Variants in PIEZO2 observed in about 807,000 individuals in gnomAD.
PIEZO2 encodes the protein piezo-type mechanosensitive ion channel component 2.
In PIEZO2, 172 loss-of-function variants were observed where a neutral mutation model predicts 337.3. The ratio of observed to expected loss-of-function variants is 0.51; its 90% CI spans 0.45 to 0.58. The LOEUF is 0.58. PIEZO2 is among the 20% of genes least tolerant of loss of function. The probability of loss-of-function intolerance (pLI) is 0.00; values close to 1 mark genes in which losing one functional copy is unlikely to be tolerated. For synonymous variants in PIEZO2, 1,251 were observed against 1,228.5 expected (o/e 1.02, Z -0.38); for missense variants, 3,028 against 3,391.3 (o/e 0.89, Z 2.66).
chr18:11,120,988 C>T (rs1385399245), intron 1 of PIEZO2, among the ~76,000 whole-genome samples: 2 of 152,208 alleles, frequency 1.3e-5, no homozygotes, highest in African/African-American at 2.4e-5. Context: ...TGTGGTGGCT[C>T]ACGCCTAAAA....
intron 1 of PIEZO2, among the ~76,000 whole-genome samples, chr18:11,137,887 T>C (rs1019153470): frequency 9.2e-5 from 14 of 152,188 alleles, no homozygotes; most frequent in African/African-American, 2.9e-4. Context: ...AAAACATTTT[T>C]AAAAATAATA....
intron 1 of PIEZO2, among the ~76,000 whole-genome samples, chr18:11,093,869 A>G (rs1795321434): frequency 1.3e-5 from 2 of 152,332 alleles, no homozygotes; most frequent in African/African-American, 4.8e-5. Context: ...GGCAGAGCCT[A>G]CCACACAATA....
rs2143368867 is a variant in PIEZO2, at chr18:10,671,409, T to C, written c.*118A>G. ...AGGATATCAGCTCCTTTTGTCTACC[T>C]ATCAGAAGAGAAACAAACCATTTCC... On this transcript the variant is annotated 3_prime_UTR_variant, in exon 56 of 56. Coordinates refer to ENST00000674853, the MANE Select transcript of PIEZO2 (RefSeq NM_001378183.1). 1 of 1,122,472 alleles carries C rather than the reference T, an allele frequency of 8.9e-7. No homozygotes were observed. The highest frequency in any genetic ancestry group is 2.6e-5 in the East Asian group (1 of 38,938). The allele number at this position is 1,122,472 out of a possible 1,614,324, so 69.5% of individuals were successfully genotyped here. A position where few individuals can be genotyped will look rare whatever the true frequency, so the allele number is the denominator to read the frequency against.
At chr18:10,725,915 G>GGCACTAACC (rs1391444262) in intron 36 of PIEZO2, among the ~76,000 whole-genome samples, 1 of 152,178 alleles carries the variant, frequency 6.6e-6, no homozygotes, top group Admixed American at 6.5e-5. Context: ...GAGGGTGCAG[G>GGCACTAACC]GCACTAACCA....
At chr18:10,738,633 G>A (rs1335601720) in intron 33 of PIEZO2, 1 of 152,192 alleles carries the variant, frequency 6.6e-6, no homozygotes, top group Non-Finnish European at 1.5e-5. Context: ...TGGCGAACCT[G>A]ACTCCAGCCT....
Position 10,856,218 on chromosome 18 carries a change from T to C in PIEZO2, c.704-652A>G, listed in dbSNP as rs971029935. ...CTGGCCAATAACTCCTTTAAAAGTG[T>C]TTTTAAGGAATCATAAATAAAGCCA... On this transcript the variant is annotated intron_variant, in intron 6 of 55. Transcript: ENST00000674853. The surrounding 1 kb of genome is among the most constrained non-coding windows in gnomAD (Gnocchi z 4.7). Among the ~76,000 whole-genome samples, 3 of 152,112 alleles carry C rather than the reference T, an allele frequency of 2.0e-5. No homozygotes were observed. Among genetic ancestry groups the C allele is most frequent in the African/African-American group, 7.2e-5 (3 of 41,424 alleles).
Position 10,977,201 on chromosome 18 carries a change from T to C in PIEZO2, c.286+2334A>G, listed in dbSNP as rs149713670. On this transcript the variant is annotated intron_variant, in intron 3 of 55. Coordinates refer to ENST00000674853, the MANE Select transcript of PIEZO2 (RefSeq NM_001378183.1). ...CAATTTGAACTAGAAACACTTAGAC[T>C]CTTGTGAGTCAGAAGAGATCATAAA... Among the ~76,000 whole-genome samples, 512 of 152,146 alleles carry C rather than the reference T, an allele frequency of 3.4e-3. 3 individuals are homozygous for C. Among genetic ancestry groups the C allele is most frequent in the African/African-American group, 0.01 (420 of 41,520 alleles).
Position 11,148,689 on chromosome 18 carries a change from C to A in PIEZO2, c.-101G>T. 2.4e-6 allele frequency: 3 copies of A among 1,268,806 alleles called. No individual in the cohort carries two copies. Among genetic ancestry groups the A allele is most frequent in the Non-Finnish European group, 3.3e-6 (3 of 913,530 alleles). 78.6% of individuals were successfully genotyped at this position (1,268,806 alleles called of 1,614,324 possible). A position where few individuals can be genotyped will look rare whatever the true frequency, so the allele number is the denominator to read the frequency against. On this transcript the variant is annotated 5_prime_UTR_variant, in exon 1 of 56. Coordinates refer to ENST00000674853, the MANE Select transcript of PIEZO2 (RefSeq NM_001378183.1). This position sits in a 1 kb window ranked among gnomAD's most constrained non-coding sequence, Gnocchi z 5.2. ...CCCGTCTATGGCCTCTCGCCGCCGG[C>A]AGCTCGCAGCCACCCGAGCATCGCC...
intron 3 of PIEZO2, among the ~76,000 whole-genome samples, chr18:10,936,016 G>T (rs1407104053): frequency 6.6e-6 from 1 of 152,186 alleles, no homozygotes. Flanking sequence ...TTTCTACACA[G>T]GGTCACAGGT....
chr18:11,112,684 T>C lies in PIEZO2; in HGVS notation c.64+35841A>G, dbSNP rs183849425. On this transcript the variant is annotated intron_variant, in intron 1 of 55. Coordinates refer to ENST00000674853, the MANE Select transcript of PIEZO2 (RefSeq NM_001378183.1). This position sits in a 1 kb window ranked among gnomAD's most constrained non-coding sequence, Gnocchi z 4.3. ...GATTAGGCACAGAAACAAACCTATATAACTTTCTGAAAATAATGCAAGTGA... is the reference window on the plus strand; with the variant it reads ...GATTAGGCACAGAAACAAACCTATACAACTTTCTGAAAATAATGCAAGTGA... 6.6e-5 allele frequency among the ~76,000 whole-genome samples: 10 copies of C among 152,322 alleles called. No homozygotes were observed. Among genetic ancestry groups the C allele is most frequent in the Admixed American group, 6.5e-4 (10 of 15,302 alleles).
In PIEZO2 at chr18:10,779,229, A is replaced by AT. The variant is rs200979208; in HGVS notation, c.2534+1095dup. Among the ~76,000 whole-genome samples, 594 of 152,276 alleles carry AT rather than the reference A, an allele frequency of 3.9e-3. 3 individuals carry two copies. Among genetic ancestry groups the AT allele is most frequent in the African/African-American group, 0.013 (561 of 41,558 alleles). Reference sequence around the variant, plus strand: ...TTGTAATTTGGTTGTCTGCCTTAGGATTTTACCTATAAGAAAAGCGAACGG... The same window carrying AT: ...TTGTAATTTGGTTGTCTGCCTTAGGATTTTTACCTATAAGAAAAGCGAACGG... On this transcript the variant is annotated intron_variant, in intron 18 of 55. Transcript: ENST00000674853.
chr18:10,992,250 C>T (rs2035139349), intron 2 of PIEZO2, among the ~76,000 whole-genome samples: 1 of 152,178 alleles, frequency 6.6e-6, no homozygotes, highest in Admixed American at 6.5e-5. Flanking sequence ...TCCCATTTGT[C>T]AATTTTGGCT....
chr18:10,928,775 T>G (rs2031908927), intron 3 of PIEZO2, among the ~76,000 whole-genome samples: 1 of 152,158 alleles, frequency 6.6e-6, no homozygotes, highest in African/African-American at 2.4e-5. Flanking sequence ...GAGCATCCAT[T>G]TCTCCCCTAT....
At position 10,942,280 on chromosome 18, in the gene PIEZO2, A is replaced by C. The variant is rs1283228151; in HGVS notation, c.287-31052T>G. ...TAACATGCAGAGGTTGGAACAGCTT[A>C]GAGGGCTCAGAAGAAGACAGGAATA... On this transcript the variant is annotated intron_variant, in intron 3 of 55. Transcript: ENST00000674853. This position sits in a 1 kb window ranked among gnomAD's most constrained non-coding sequence, Gnocchi z 4.4. 2.6e-5 allele frequency among the ~76,000 whole-genome samples: 4 copies of C among 152,204 alleles called. No homozygotes were observed. The highest frequency in any genetic ancestry group is 7.2e-5 in the African/African-American group (3 of 41,452).
chr18:10,892,635 C>T (rs2042788424), intron 4 of PIEZO2, among the ~76,000 whole-genome samples: 1 of 151,812 alleles, frequency 6.6e-6, no homozygotes, highest in South Asian at 2.1e-4. Flanking sequence ...GTAAATTGCA[C>T]CTCAATGAAC....
At chr18:11,029,466 C>T (rs1416099091) in intron 2 of PIEZO2, among the ~76,000 whole-genome samples, 1 of 152,222 alleles carries the variant, frequency 6.6e-6, no homozygotes, top group Non-Finnish European at 1.5e-5. Context: ...CAACCCACTT[C>T]TGCAGACCCC....
At chr18:11,085,775 AT>A (rs376401423) in intron 1 of PIEZO2, among the ~76,000 whole-genome samples, 12,427 of 151,630 alleles carry the variant, frequency 0.082, 547 homozygotes, top group East Asian at 0.13. Context: ...TAGAAAAAAA[AT>A]TTTTTTTAAA....
In PIEZO2 at chr18:10,894,259, C is replaced by T. The variant is rs2042833896; in HGVS notation, c.329+16927G>A. On this transcript the variant is annotated intron_variant, in intron 4 of 55. Coordinates refer to ENST00000674853, the MANE Select transcript of PIEZO2 (RefSeq NM_001378183.1). The surrounding 1 kb of genome is among the most constrained non-coding windows in gnomAD (Gnocchi z 4.1). ...CCTGAGGTCAGGAGTTGAGACCAGC[C>T]TGGCCAACATGGAGAAATCCCCTCT... Among the ~76,000 whole-genome samples the T allele has an allele frequency of 6.6e-6, 1 of 152,006 alleles. No individual in the cohort carries two copies. Among genetic ancestry groups the T allele is most frequent in the African/African-American group, 2.4e-5 (1 of 41,384 alleles).
chr18:11,060,146 C>T (rs1268280472), intron 2 of PIEZO2, among the ~76,000 whole-genome samples: 1 of 152,128 alleles, frequency 6.6e-6, no homozygotes, highest in Non-Finnish European at 1.5e-5. Flanking sequence ...ACAACCTGCT[C>T]CTGAATGACT....
Sources: allele counts gnomAD v4.1 joint callset (sites outside exome capture counted in the v4.1 genomes callset), GRCh38; gene constraint gnomAD v4.1.1; non-coding constraint Gnocchi (gnomAD v3.1); transcripts MANE v1.5; gene names NCBI Gene and HGNC (gene_info 2026-07-23, HGNC 2026-07-21).